Variants in CD226 observed in about 807,000 individuals in gnomAD.
CD226 encodes the protein CD226 antigen.
Under a neutral mutation model 34.9 loss-of-function variants are expected in CD226, and 24 were observed. The observed-to-expected ratio is 0.69, with a 90% confidence interval of 0.50 to 0.97. The LOEUF is 0.97. CD226 is among the 50% of genes least tolerant of loss of function. The pLI is 0.00. For synonymous variants in CD226, 148 were observed against 147.4 expected, an observed-to-expected ratio of 1.00 and a Z score of -0.03; for missense variants, 397 against 412.7, an observed-to-expected ratio of 0.96 and a Z score of 0.33.
At chr18:69,952,558 A>G (rs1339385374), upstream of CD226, among the ~76,000 whole-genome samples, 1 of 152,236 alleles carries the variant, frequency 6.6e-6, no homozygotes, top group Non-Finnish European at 1.5e-5. Context: ...CACATGCAAA[A>G]GCATGAAATT....
At chr18:69,902,098 C>T (rs1041711827) in intron 2 of CD226, among the ~76,000 whole-genome samples, 6 of 152,098 alleles carry the variant, frequency 3.9e-5, no homozygotes, top group East Asian at 3.9e-4. Context: ...GAATCAGAAA[C>T]GCAAGAAACT....
At chr18:69,906,392 C>G (rs1237231738) in intron 2 of CD226, among the ~76,000 whole-genome samples, 3 of 152,172 alleles carry the variant, frequency 2.0e-5, no homozygotes, top group Non-Finnish European at 4.4e-5. Context: ...TAAAATTGCT[C>G]TGAAAATTGG....
chr18:69,947,299 C>T (rs2055805657), intron 1 of CD226, 62 bp downstream of exon 1: 9 of 1,117,482 alleles, frequency 8.1e-6, no homozygotes, highest in Non-Finnish European at 1.2e-5. Context: ...CTGAATATGC[C>T]ACACTGTACA....
At position 69,914,862 on chromosome 18, in the gene CD226, C is replaced by T. The variant is rs189258361; in HGVS notation, c.383-18817G>A. Among the ~76,000 whole-genome samples, 162 of 152,168 alleles carry T rather than the reference C, an allele frequency of 1.1e-3. 1 individual carries two copies. Among genetic ancestry groups the T allele is most frequent in the Non-Finnish European group, 2.9e-4 (20 of 67,992 alleles). Reference sequence around the variant, plus strand: ...CTGAAAGTAAATTGGCACAAGAAAACATCCAAAAAAATATTTTTTTACTAT... The same window carrying T: ...CTGAAAGTAAATTGGCACAAGAAAATATCCAAAAAAATATTTTTTTACTAT... On this transcript the variant is annotated intron_variant, in intron 2 of 5. Coordinates refer to ENST00000582621, the MANE Select transcript of CD226 (RefSeq NM_001303618.2).
chr18:69,877,020 C>T (rs77035486), intron 3 of CD226, among the ~76,000 whole-genome samples: 16,858 of 151,980 alleles, frequency 0.11, 1,108 homozygotes, highest in East Asian at 0.23. Context: ...CCCGCCACTA[C>T]GTCCAGCTAA....
chr18:69,916,050 C>T (rs1023499631), intron 2 of CD226, among the ~76,000 whole-genome samples: 1 of 151,778 alleles, frequency 6.6e-6, no homozygotes, highest in Non-Finnish European at 1.5e-5. Flanking sequence ...ATATTTTTTG[C>T]CTGTCAATAG....
At chr18:69,901,377 C>T (rs903494760) in intron 2 of CD226, among the ~76,000 whole-genome samples, 1 of 152,032 alleles carries the variant, frequency 6.6e-6, no homozygotes, top group Admixed American at 6.5e-5. Flanking sequence ...TTTTGAGATT[C>T]AGGCTAAAAT....
At chr18:69,924,582 A>G (rs934029444) in intron 2 of CD226, among the ~76,000 whole-genome samples, 8 of 149,870 alleles carry the variant, frequency 5.3e-5, no homozygotes, top group Admixed American at 3.4e-4. Context: ...TGTTTTTGAA[A>G]GTCCAGGGAA....
chr18:69,887,863 C>T (rs1341297324), intron 3 of CD226, among the ~76,000 whole-genome samples: 1 of 152,160 alleles, frequency 6.6e-6, no homozygotes, highest in Non-Finnish European at 1.5e-5. Flanking sequence ...ACCAAAAAAA[C>T]TTATATTCCT....
Position 69,857,575 on chromosome 18 carries a change from A to G in CD226, c.*6739T>C, listed in dbSNP as rs935110330. On this transcript the variant is annotated 3_prime_UTR_variant, in exon 6 of 6. Transcript: ENST00000582621. ...TAAGAATGCATTTTCATAAAAACAT[A>G]AAATCAGTTGAGATTATGTAAATTT... 6.6e-6 allele frequency: 1 copy of G among 152,260 alleles called. No individual in the cohort carries two copies. The allele number at this position is 152,260 out of a possible 1,614,324, so 9.4% of individuals were successfully genotyped here. A position where few individuals can be genotyped will look rare whatever the true frequency, so the allele number is the denominator to read the frequency against.
chr18:69,871,723 C>G (rs1212932938), intron 4 of CD226, among the ~76,000 whole-genome samples: 1 of 152,112 alleles, frequency 6.6e-6, no homozygotes, highest in East Asian at 1.9e-4. Context: ...CTTCAGTTTC[C>G]ACAAAATTTA....
At chr18:69,923,804 A>T (rs1320602837) in intron 2 of CD226, among the ~76,000 whole-genome samples, 1 of 152,028 alleles carries the variant, frequency 6.6e-6, no homozygotes, top group Non-Finnish European at 1.5e-5. Context: ...AATACAAAAA[A>T]TTAGCCGGGC....
intron 2 of CD226, among the ~76,000 whole-genome samples, chr18:69,900,929 A>G (rs574257525): frequency 1.3e-5 from 2 of 152,174 alleles, no homozygotes; most frequent in Non-Finnish European, 2.9e-5. Flanking sequence ...GCCTAAACGA[A>G]TTGAGAGTTC....
chr18:69,878,983 C>T (rs898205212), intron 3 of CD226, among the ~76,000 whole-genome samples: 1 of 152,062 alleles, frequency 6.6e-6, no homozygotes, highest in African/African-American at 2.4e-5. Flanking sequence ...GGGGAGACAT[C>T]ACATGTTGGC....
rs1985264459 is a variant in CD226, at chr18:69,895,981, T to C, written c.447A>G (p.Thr149=). The part of the protein sequence containing the change: ...HIVSEPGKNV[T]LTCQPQMTWP... The stretch of plus-strand genomic sequence containing the variant: ...ACGTCATCTGAGGCTGACAAGTGAG[T>C]GTGACATTCTTTCCAGGTTCCGAAA... Residue 149 remains threonine (T), a synonymous_variant, in exon 3 of 6, where the codon ACA becomes ACG. Transcript: ENST00000582621. 9.3e-6 allele frequency: 15 copies of C among 1,613,920 alleles called. No homozygotes were observed. Among genetic ancestry groups the C allele is most frequent in the Non-Finnish European group, 1.3e-5 (15 of 1,180,024 alleles).
At chr18:69,954,537 G>A (rs1336767249) in intron 1 of CD226, among the ~76,000 whole-genome samples, 2 of 152,052 alleles carry the variant, frequency 1.3e-5, no homozygotes, top group Non-Finnish European at 2.9e-5. Flanking sequence ...TAAAGGAAAT[G>A]AGATGAAACC....
chr18:69,940,388 C>T (rs1029410677), intron 2 of CD226, among the ~76,000 whole-genome samples: 2 of 152,102 alleles, frequency 1.3e-5, no homozygotes, highest in East Asian at 1.9e-4. Flanking sequence ...AACTGGGTAA[C>T]AGGTAGAGGT....
At chr18:69,929,112 G>A (rs763469813) in intron 2 of CD226, among the ~76,000 whole-genome samples, 4 of 152,160 alleles carry the variant, frequency 2.6e-5, no homozygotes, top group African/African-American at 7.2e-5. Context: ...GGTGACTCAG[G>A]AATATATTAT....
intron 2 of CD226, among the ~76,000 whole-genome samples, chr18:69,928,956 G>A (rs2055556428): frequency 6.6e-6 from 1 of 152,200 alleles, no homozygotes; most frequent in African/African-American, 2.4e-5. Flanking sequence ...CAGGGACCAA[G>A]CCTTAGAAGA....
Sources: allele counts gnomAD v4.1 joint callset (sites outside exome capture counted in the v4.1 genomes callset), GRCh38; gene constraint gnomAD v4.1.1; transcripts MANE v1.5; gene names NCBI Gene and HGNC (gene_info 2026-07-23, HGNC 2026-07-21).